SPEN: variants seen among roughly 807,000 people sequenced by gnomAD.
SPEN encodes spen family transcriptional repressor, also known as msx2-interacting protein.
In SPEN, 18 loss-of-function variants were observed where a neutral mutation model predicts 269.9. The observed-to-expected ratio is 0.07, with a 90% CI of 0.05 to 0.10. The LOEUF is 0.10. Among genes scored for constraint, SPEN ranks in the 10% least tolerant of loss-of-function variants. The pLI is 1.00. For missense variants in SPEN, 3,822 were observed against 4,631.2 expected, an observed-to-expected ratio of 0.83 and a Z score of 5.07; for synonymous variants, 1,726 against 1,765.7, an observed-to-expected ratio of 0.98 and a Z score of 0.56.
chr1:15,874,548 C>G (rs1233891511), intron 2 of SPEN, among the ~76,000 whole-genome samples: 2 of 152,190 alleles, frequency 1.3e-5, no homozygotes. Context: ...TGCCTGCCTT[C>G]TGTATCTTCT....
chr1:15,894,588 T>C (rs2070822267), intron 3 of SPEN, among the ~76,000 whole-genome samples: 1 of 145,168 alleles, frequency 6.9e-6, no homozygotes, highest in Non-Finnish European at 1.5e-5. Context: ...TTCGCCAGGC[T>C]GGAGTGCAGT....
intron 7 of SPEN, 128 bp from the exon 8 acceptor site, chr1:15,919,276 C>T: frequency 1.4e-6 from 1 of 709,504 alleles, no homozygotes; most frequent in Non-Finnish European, 2.3e-6. Flanking sequence ...TTAATTTTAA[C>T]CAGATGTTTC....
chr1:15,935,524 A>G lies in SPEN; in HGVS notation c.9284A>G (p.Gln3095Arg). The G allele has an allele frequency of 6.2e-7, 1 of 1,614,018 alleles. No homozygotes were observed. Among genetic ancestry groups the G allele is most frequent in the Non-Finnish European group, 8.5e-7 (1 of 1,179,980 alleles). Residue 3095 changes from glutamine (Q) to arginine (R), a missense_variant, in exon 11 of 15, where the codon CAG (glutamine) becomes CGG (arginine). Coordinates refer to ENST00000375759, the MANE Select transcript of SPEN (RefSeq NM_015001.3). The surrounding 1 kb of genome is among the most constrained non-coding windows in gnomAD (Gnocchi z 7.7). Reference protein sequence around the residue: ...TQTVSLSHLSQGEVRMNTPTL... With the variant: ...TQTVSLSHLSRGEVRMNTPTL... ...ACTGTGTCCCTGAGCCACCTCTCCC[A>G]GGGCGAGGTGAGAATGAACACTCCC... is the stretch of plus-strand genomic sequence containing the variant.
At position 15,937,709 on chromosome 1, in the gene SPEN, G is replaced by T; in HGVS notation, c.10509+64G>T. 1 of 1,606,534 alleles carries T rather than the reference G, an allele frequency of 6.2e-7. No individual in the cohort carries two copies. The highest frequency in any genetic ancestry group is 8.5e-7 in the Non-Finnish European group (1 of 1,175,164). ...TTTTATGCCATGTCAAATGTCCTAA[G>T]ATTCCCTAGTTAACAGACCCACAAG... On this transcript the variant is annotated intron_variant, in intron 12 of 14. Coordinates refer to ENST00000375759, the MANE Select transcript of SPEN (RefSeq NM_015001.3). The surrounding 1 kb of genome is among the most constrained non-coding windows in gnomAD (Gnocchi z 5.7).
intron 3 of SPEN, among the ~76,000 whole-genome samples, chr1:15,879,607 A>T (rs1398630461): frequency 6.6e-6 from 1 of 152,068 alleles, no homozygotes; most frequent in South Asian, 2.1e-4. Context: ...GGGTAGCTAG[A>T]TGTATTCATT....
chr1:15,917,472 C>T (rs1373959027), intron 6 of SPEN, among the ~76,000 whole-genome samples: 2 of 152,184 alleles, frequency 1.3e-5, no homozygotes, highest in Non-Finnish European at 2.9e-5. Flanking sequence ...TCACTGCAGC[C>T]TCCGCCTCCT....
Position 15,916,121 on chromosome 1 carries a change from C to T in SPEN, c.1244-7C>T, listed in dbSNP as rs1208189159. ...CTCTTTTTACTCGGCCCCCATTCCACTTACAGAAACAGAAAGTGAAAATGA... is the reference window on the plus strand; with the variant it reads ...CTCTTTTTACTCGGCCCCCATTCCATTTACAGAAACAGAAAGTGAAAATGA... On this transcript the variant is annotated splice_region_variant and splice_polypyrimidine_tract_variant and intron_variant, in intron 5 of 14. Coordinates refer to ENST00000375759, the MANE Select transcript of SPEN (RefSeq NM_015001.3). 6.2e-7 allele frequency: 1 copy of T among 1,608,412 alleles called. No homozygotes were observed. The highest frequency in any genetic ancestry group is 8.5e-7 in the Non-Finnish European group (1 of 1,178,188).
chr1:15,935,992 CTGTCCCTGT>C lies in SPEN; in HGVS notation c.9753_9761del (p.Val3252_Val3254del). On this transcript the variant is annotated inframe_deletion, in exon 11 of 15. Coordinates refer to ENST00000375759, the MANE Select transcript of SPEN (RefSeq NM_015001.3). This position sits in a 1 kb window ranked among gnomAD's most constrained non-coding sequence, Gnocchi z 7.7. Reference sequence around the variant, plus strand: ...CCCACCCCCACCCCTGCCCCCGTCCCTGTCCCTGTCCCCCTTCCTGCCCCTGCTCCTGCC... The same window carrying C: ...CCCACCCCCACCCCTGCCCCCGTCCCCCCCCTTCCTGCCCCTGCTCCTGCC... 6.4e-7 allele frequency: 1 copy of C among 1,561,130 alleles called. No individual in the cohort carries two copies. Among genetic ancestry groups the C allele is most frequent in the Non-Finnish European group, 8.7e-7 (1 of 1,146,854 alleles).
At position 15,935,455 on chromosome 1, in the gene SPEN, A is replaced by G. The variant is rs1423885139; in HGVS notation, c.9215A>G (p.His3072Arg). ...GTGCCCCAGTTCATCTCCAGCATCC[A>G]CCCAGAGCAGTCTGTCATCATGCCA... ...IPVPQFISSI[H>R]PEQSVIMPPH... The change falls in exon 11 of 15, where the codon CAC (histidine) becomes CGC (arginine). Residue 3072 changes from histidine (H) to arginine (R), a missense_variant. By Grantham distance (29) the His-to-Arg change is conservative (BLOSUM62 0). This residue lies in a region of SPEN where 153 missense variants were observed against 228.5 expected (regional missense o/e 0.67). Transcript: ENST00000375759. The surrounding 1 kb of genome is among the most constrained non-coding windows in gnomAD (Gnocchi z 7.7). 1.9e-6 allele frequency: 3 copies of G among 1,613,880 alleles called. No homozygotes were observed. Among genetic ancestry groups the G allele is most frequent in the Admixed American group, 3.3e-5 (2 of 59,998 alleles).
chr1:15,871,907 T>C lies in SPEN; in HGVS notation c.84-909T>C, dbSNP rs181756114. ...TTCTATCTTAGGTTCAGTAGTCGTT[T>C]TTAGACTATAAATATTTGTAAAAAC... On this transcript the variant is annotated intron_variant, in intron 1 of 14. Transcript: ENST00000375759. Among the ~76,000 whole-genome samples the C allele has an allele frequency of 1.7e-3, 253 of 152,254 alleles. 1 individual carries two copies. The highest frequency in any genetic ancestry group is 6.8e-3 in the Middle Eastern group (2 of 292).
intron 1 of SPEN, among the ~76,000 whole-genome samples, chr1:15,868,291 G>A (rs1314373904): frequency 1.3e-5 from 2 of 151,790 alleles, no homozygotes; most frequent in Admixed American, 1.3e-4. Context: ...ACAGACTTGA[G>A]CCACTGTGTC....
intron 3 of SPEN, among the ~76,000 whole-genome samples, chr1:15,895,486 A>G (rs917899722): frequency 6.6e-6 from 1 of 152,090 alleles, no homozygotes; most frequent in Non-Finnish European, 1.5e-5. Flanking sequence ...GTCTTGTCAC[A>G]TGTATCATAA....
chr1:15,933,510 A>G lies in SPEN; in HGVS notation c.7270A>G (p.Lys2424Glu). The change falls in exon 11 of 15, where the codon AAA (lysine) becomes GAA (glutamate). Residue 2424 changes from lysine (K) to glutamate (E), a missense_variant. By Grantham distance (56) the Lys-to-Glu change is moderately conservative. Transcript: ENST00000375759. This position sits in a 1 kb window ranked among gnomAD's most constrained non-coding sequence, Gnocchi z 5.7. ...CAGTGTTGAGGAAAGGACTCCAACC[A>G]AAGCATCTGTGCCCCCAGACCTTCC... ...EISVEERTPT[K>E]ASVPPDLPPP... 6.2e-7 allele frequency: 1 copy of G among 1,614,006 alleles called. No homozygotes were observed. The highest frequency in any genetic ancestry group is 8.5e-7 in the Non-Finnish European group (1 of 1,179,956).
chr1:15,856,241 C>T (rs188857307), intron 1 of SPEN, among the ~76,000 whole-genome samples: 76 of 152,040 alleles, frequency 5.0e-4, no homozygotes, highest in African/African-American at 1.7e-3. Flanking sequence ...CCGCCCGCCT[C>T]GGCCTCCCAA....
intron 5 of SPEN, among the ~76,000 whole-genome samples, chr1:15,914,400 A>G (rs1213172058): frequency 1.3e-5 from 2 of 152,252 alleles, no homozygotes; most frequent in Non-Finnish European, 2.9e-5. Flanking sequence ...TTAAGAAAAA[A>G]GAACACACAG....
chr1:15,860,173 A>T (rs1168853636), intron 1 of SPEN, among the ~76,000 whole-genome samples: 1 of 151,828 alleles, frequency 6.6e-6, no homozygotes, highest in Non-Finnish European at 1.5e-5. Flanking sequence ...GGCCTCCCAA[A>T]GTGCTGGGAT....
In SPEN at chr1:15,930,204, G is replaced by C. The variant is rs150115515; in HGVS notation, c.3964G>C (p.Asp1322His). The C allele has an allele frequency of 2.5e-6, 4 of 1,614,162 alleles. No individual in the cohort carries two copies. The African/African-American group carries it at 5.3e-5, about 22-fold the overall frequency. The change falls in exon 11 of 15, where the codon GAT (aspartate) becomes CAT (histidine). Residue 1322 changes from aspartate (D) to histidine (H), a missense_variant. By Grantham distance (81) the Asp-to-His change is moderately conservative. Around this residue, in one of 16 missense-constraint regions of SPEN, gnomAD observed 267 missense variants for 315.5 expected, o/e 0.85. Coordinates refer to ENST00000375759, the MANE Select transcript of SPEN (RefSeq NM_015001.3). This position sits in a 1 kb window ranked among gnomAD's most constrained non-coding sequence, Gnocchi z 5.3. ...YDSSRREQMA[D>H]MAKIKLSVLN... ...TTCTAGCAGGAGAGAACAGATGGCAGATATGGCCAAAATAAAACTATCTGT... is the reference window on the plus strand; with the variant it reads ...TTCTAGCAGGAGAGAACAGATGGCACATATGGCCAAAATAAAACTATCTGT...
chr1:15,857,973 C>A (rs1261970461), intron 1 of SPEN, among the ~76,000 whole-genome samples: 4 of 152,140 alleles, frequency 2.6e-5, no homozygotes, highest in African/African-American at 9.6e-5. Flanking sequence ...ATTAAAAATA[C>A]AAAAATTAGC....
chr1:15,904,463 A>AAAAAAAAAAAAAAAAAAAAAAAT (rs2070935463), intron 3 of SPEN, among the ~76,000 whole-genome samples: 1 of 149,120 alleles, frequency 6.7e-6, no homozygotes, highest in Non-Finnish European at 1.5e-5. Flanking sequence ...AAAAAAAAAA[A>AAAAAAAAAAAAAAAAAAAAAAAT]AAAAAAAAAA....
Sources: gnomAD v4.1 joint callset for allele counts (sites outside exome capture counted in the v4.1 genomes callset) on GRCh38, gnomAD v4.1.1 for gene constraint, gnomAD v4.1.1 regional missense constraint, Gnocchi (gnomAD v3.1) non-coding constraint, MANE v1.5 for transcripts, NCBI Gene and HGNC (gene_info 2026-07-23, HGNC 2026-07-21) for gene names.